FOXP1: variants seen among roughly 807,000 people sequenced by gnomAD.
FOXP1 encodes the protein forkhead box P1.
FOXP1 carries 15 observed loss-of-function variants against 98.2 expected under a neutral mutation model. The observed-to-expected ratio is 0.15, with a 90% CI of 0.10 to 0.24. The LOEUF is 0.24. Among genes scored for constraint, FOXP1 ranks in the 10% least tolerant of loss-of-function variants. The pLI is 1.00. For missense variants in FOXP1, 633 were observed against 848.5 expected (o/e 0.75, Z 3.15); for synonymous variants, 371 against 314.5 (o/e 1.18, Z -1.90).
intron 5 of FOXP1, among the ~76,000 whole-genome samples, chr3:71,227,506 T>C (rs1046916246): frequency 1.3e-5 from 2 of 152,300 alleles, no homozygotes; most frequent in Non-Finnish European, 2.9e-5. Flanking sequence ...CAGTAAGTCA[T>C]GTGAAAGGAA....
rs528350572 is a variant in FOXP1, at chr3:71,303,368, T to G, written c.-72-3488A>C. 3.3e-5 allele frequency among the ~76,000 whole-genome samples: 5 copies of G among 152,250 alleles called. No individual in the cohort carries two copies. In the East Asian group the frequency reaches 9.7e-4, roughly 29 times the overall value. ...CCCCTGGGTGGTGATGGGGGGCAGT[T>G]CAGTAGGTCTATGGCTAGAGGACAC... On this transcript the variant is annotated intron_variant, in intron 4 of 20. Coordinates refer to ENST00000649528, the MANE Select transcript of FOXP1 (RefSeq NM_001349338.3).
intron 2 of FOXP1, among the ~76,000 whole-genome samples, chr3:71,522,028 G>T (rs1230244057): frequency 7.6e-6 from 1 of 131,664 alleles, no homozygotes; most frequent in African/African-American, 2.5e-5. Context: ...AAGAAATGGT[G>T]CCAGTTACTA....
intron 2 of FOXP1, chr3:71,570,711 T>C (rs2047275038): frequency 6.6e-6 from 1 of 152,216 alleles, no homozygotes; most frequent in South Asian, 2.1e-4. Context: ...TTTCACCAAG[T>C]TGAAATCTTG....
At chr3:71,248,397 A>T (rs1236392393) in intron 5 of FOXP1, among the ~76,000 whole-genome samples, 1 of 152,190 alleles carries the variant, frequency 6.6e-6, no homozygotes, top group Non-Finnish European at 1.5e-5. Context: ...CAGGACCCAC[A>T]GTCAGAAAGA....
At chr3:71,533,359 C>T (rs1229859466) in intron 2 of FOXP1, among the ~76,000 whole-genome samples, 1 of 152,176 alleles carries the variant, frequency 6.6e-6, no homozygotes, top group African/African-American at 2.4e-5. Flanking sequence ...GAGTCATTTC[C>T]ACTTAATGAA....
At chr3:71,175,349 C>T (rs904570996) in intron 6 of FOXP1, among the ~76,000 whole-genome samples, 1 of 152,168 alleles carries the variant, frequency 6.6e-6, no homozygotes, top group Non-Finnish European at 1.5e-5. Flanking sequence ...CTTTTTTGCA[C>T]TGACAACACG....
chr3:71,027,172 A>G (rs1216162432), intron 11 of FOXP1, among the ~76,000 whole-genome samples: 3 of 149,584 alleles, frequency 2.0e-5, no homozygotes, highest in African/African-American at 4.9e-5. Flanking sequence ...TGTCAATGCA[A>G]GTGTGTTTGC....
At chr3:70,978,475 C>G (rs1196336270) in intron 14 of FOXP1, among the ~76,000 whole-genome samples, 1 of 112,708 alleles carries the variant, frequency 8.9e-6, no homozygotes, top group East Asian at 2.6e-4. Context: ...AAGAAGTGTC[C>G]AGCAGAATTT....
intron 6 of FOXP1, among the ~76,000 whole-genome samples, chr3:71,168,433 C>G (rs933085178): frequency 2.0e-5 from 3 of 152,150 alleles, no homozygotes; most frequent in Non-Finnish European, 4.4e-5. Context: ...TGTGCCTTGT[C>G]GGTTCCCTTG....
In FOXP1 at chr3:70,954,922, T is replaced by A; in HGVS notation, c.*4325A>T. 4.3e-6 allele frequency: 1 copy of A among 232,872 alleles called. No homozygotes were observed. Among genetic ancestry groups the A allele is most frequent in the Non-Finnish European group, 8.5e-6 (1 of 117,800 alleles). The allele number at this position is 232,872 out of a possible 1,614,324, so 14.4% of individuals were successfully genotyped here. A position where few individuals can be genotyped will look rare whatever the true frequency, so the allele number is the denominator to read the frequency against. On this transcript the variant is annotated 3_prime_UTR_variant, in exon 21 of 21. Transcript: ENST00000649528. ...AAAAATTCTTGTTACTGGCAGCACA[T>A]ATACATGAAGCACCATGCTCACAGT...
chr3:70,957,706 C>A lies in FOXP1; in HGVS notation c.*1541G>T. The A allele has an allele frequency of 4.3e-6, 1 of 232,302 alleles. No homozygotes were observed. The highest frequency in any genetic ancestry group is 8.5e-6 in the Non-Finnish European group (1 of 117,440). The allele number at this position is 232,302 out of a possible 1,614,324, so 14.4% of individuals were successfully genotyped here. On this transcript the variant is annotated 3_prime_UTR_variant, in exon 21 of 21. Coordinates refer to ENST00000649528, the MANE Select transcript of FOXP1 (RefSeq NM_001349338.3). ...ACATTTCTGCATACCATGTTTGGGA[C>A]CCCCCCAAAGCCCAGGGCCTACATG...
At chr3:71,489,833 T>G (rs1454263770) in intron 3 of FOXP1, among the ~76,000 whole-genome samples, 1 of 152,242 alleles carries the variant, frequency 6.6e-6, no homozygotes, top group Non-Finnish European at 1.5e-5. Flanking sequence ...TTGGCCATAA[T>G]GATCTATCTG....
intron 2 of FOXP1, among the ~76,000 whole-genome samples, chr3:71,538,381 G>A (rs2044481393): frequency 6.6e-6 from 1 of 152,182 alleles, no homozygotes; most frequent in African/African-American, 2.4e-5. Context: ...TAATGGATTT[G>A]CCAGTTCTGG....
Position 71,396,980 on chromosome 3 carries a change from A to G in FOXP1, c.-167-37736T>C, listed in dbSNP as rs868567615. On this transcript the variant is annotated intron_variant, in intron 3 of 20. Transcript: ENST00000649528. ...TATATATATGTGTGTATATATATAT[A>G]TGTGTATATATATACACATATATAT... 0.011 allele frequency among the ~76,000 whole-genome samples: 303 copies of G among 27,234 alleles called. 22 individuals carry two copies. The Middle Eastern group carries it at 0.12, about 10-fold the overall frequency. The allele number at this position is 27,234 out of a possible 152,430, so 17.9% of individuals were successfully genotyped here.
At chr3:71,571,330 C>A (rs188068832) in intron 2 of FOXP1, 1 of 152,082 alleles carries the variant, frequency 6.6e-6, no homozygotes. Flanking sequence ...TGGGTGATAC[C>A]GACTTTAATA....
At chr3:71,204,107 A>C (rs751041327) in intron 5 of FOXP1, among the ~76,000 whole-genome samples, 2 of 152,246 alleles carry the variant, frequency 1.3e-5, no homozygotes, top group Non-Finnish European at 2.9e-5. Context: ...AATAAGGATG[A>C]GACTCAGACT....
intron 5 of FOXP1, among the ~76,000 whole-genome samples, chr3:71,223,137 C>T (rs1456597319): frequency 6.6e-6 from 1 of 152,144 alleles, no homozygotes; most frequent in Non-Finnish European, 1.5e-5. Context: ...CAGGAAAGCT[C>T]CCCAAGCTCC....
At chr3:71,154,382 C>A (rs2060721434) in intron 6 of FOXP1, among the ~76,000 whole-genome samples, 1 of 152,108 alleles carries the variant, frequency 6.6e-6, no homozygotes, top group Non-Finnish European at 1.5e-5. Flanking sequence ...CTGTAATGTG[C>A]CTGGGAATCA....
intron 6 of FOXP1, among the ~76,000 whole-genome samples, chr3:71,195,737 G>A (rs1054462139): frequency 6.6e-6 from 1 of 152,158 alleles, no homozygotes; most frequent in African/African-American, 2.4e-5. Flanking sequence ...TGTGACTACC[G>A]CAGTAATGAA....
Sources: gnomAD v4.1 joint callset for allele counts (sites outside exome capture counted in the v4.1 genomes callset) on GRCh38, gnomAD v4.1.1 for gene constraint, MANE v1.5 for transcripts, NCBI Gene and HGNC (gene_info 2026-07-23, HGNC 2026-07-21) for gene names.